Variants in NRXN1 observed in about 807,000 individuals in gnomAD.
NRXN1 encodes the protein neurexin-1.
In NRXN1, 39 loss-of-function variants were observed where a neutral mutation model predicts 150.9. That is an observed-to-expected ratio of 0.26 (90% CI 0.20 to 0.34). NRXN1 has a LOEUF of 0.34. Among genes scored for constraint, NRXN1 ranks in the 10% least tolerant of loss-of-function variants. NRXN1 has a pLI of 1.00. For synonymous variants in NRXN1, 924 were observed against 757.0 expected, an observed-to-expected ratio of 1.22 and a Z score of -3.62; for missense variants, 1,815 against 1,949.9, an observed-to-expected ratio of 0.93 and a Z score of 1.30.
intron 17 of NRXN1, among the ~76,000 whole-genome samples, chr2:50,274,847 C>T (rs2070226487): frequency 6.6e-6 from 1 of 151,978 alleles, no homozygotes; most frequent in Non-Finnish European, 1.5e-5. Flanking sequence ...TCGAAGCCTA[C>T]AATCTGTAGG....
chr2:50,677,440 T>C (rs1465833162), intron 5 of NRXN1, among the ~76,000 whole-genome samples: 1 of 152,160 alleles, frequency 6.6e-6, no homozygotes, highest in Non-Finnish European at 1.5e-5. Flanking sequence ...GAAACTCTAC[T>C]GTATTTCAAT....
chr2:50,742,479 G>A lies in NRXN1; in HGVS notation c.833-118864C>T, dbSNP rs1190006071. ...AAAAATTAGCGGGGCATGGTGGCGG[G>A]TGCCTGTAATTCCAGCTACTTGGGA... is the stretch of plus-strand genomic sequence containing the variant. On this transcript the variant is annotated intron_variant, in intron 5 of 22. Coordinates refer to ENST00000401669, the MANE Select transcript of NRXN1 (RefSeq NM_001330078.2). Among the ~76,000 whole-genome samples the A allele has an allele frequency of 2.0e-5, 3 of 151,464 alleles. No individual in the cohort carries two copies. The East Asian group carries it at 5.8e-4, about 29-fold the overall frequency.
intron 21 of NRXN1, among the ~76,000 whole-genome samples, chr2:50,048,257 A>G (rs549098121): frequency 6.6e-5 from 10 of 152,288 alleles, no homozygotes; most frequent in African/African-American, 2.2e-4. Context: ...TGAAATATGC[A>G]CTAAAATTTG....
At chr2:50,896,155 T>C (rs1008077997) in intron 5 of NRXN1, among the ~76,000 whole-genome samples, 1 of 152,180 alleles carries the variant, frequency 6.6e-6, no homozygotes, top group Non-Finnish European at 1.5e-5. Context: ...TGTTAGAGAA[T>C]TGCATATCAA....
chr2:50,903,507 T>C (rs1230645873), intron 5 of NRXN1, among the ~76,000 whole-genome samples: 1 of 152,074 alleles, frequency 6.6e-6, no homozygotes, highest in African/African-American at 2.4e-5. Context: ...GTTTTTTTGT[T>C]TTGGTTTTTG....
At chr2:50,567,096 T>G (rs906408773) in intron 8 of NRXN1, among the ~76,000 whole-genome samples, 1 of 152,208 alleles carries the variant, frequency 6.6e-6, no homozygotes, top group African/African-American at 2.4e-5. Flanking sequence ...TGCACTCTGA[T>G]TTAGTGTCAC....
chr2:50,913,958 C>A (rs1684872348), intron 5 of NRXN1, among the ~76,000 whole-genome samples: 1 of 151,790 alleles, frequency 6.6e-6, no homozygotes, highest in African/African-American at 2.4e-5. Context: ...AAAGCAGAAT[C>A]TCCTTGGTGA....
At chr2:50,814,810 A>T (rs956686000) in intron 5 of NRXN1, among the ~76,000 whole-genome samples, 1 of 152,160 alleles carries the variant, frequency 6.6e-6, no homozygotes, top group Non-Finnish European at 1.5e-5. Flanking sequence ...GAATTATTAT[A>T]TTGAAATTCT....
chr2:50,417,817 G>A (rs913222857), intron 17 of NRXN1, among the ~76,000 whole-genome samples: 1 of 151,726 alleles, frequency 6.6e-6, no homozygotes, highest in Non-Finnish European at 1.5e-5. Context: ...CCAAAAGAAC[G>A]CACATCCAAG....
intron 17 of NRXN1, among the ~76,000 whole-genome samples, chr2:50,304,402 T>C (rs1448516766): frequency 6.6e-6 from 1 of 152,184 alleles, no homozygotes; most frequent in African/African-American, 2.4e-5. Context: ...GAGCTAAAAA[T>C]ACTCCAGATA....
At chr2:49,963,886 T>C (rs1676440750) in intron 21 of NRXN1, among the ~76,000 whole-genome samples, 1 of 152,204 alleles carries the variant, frequency 6.6e-6, no homozygotes, top group African/African-American at 2.4e-5. Context: ...GAATAAAATA[T>C]GTAACAGATG....
At chr2:50,666,393 A>G (rs181274324) in intron 5 of NRXN1, among the ~76,000 whole-genome samples, 1 of 152,070 alleles carries the variant, frequency 6.6e-6, no homozygotes, top group East Asian at 1.9e-4. Context: ...CTCTTAAACA[A>G]TTACTGGGGA....
intron 17 of NRXN1, among the ~76,000 whole-genome samples, chr2:50,275,303 G>A (rs1574876329): frequency 6.6e-6 from 1 of 152,104 alleles, no homozygotes; most frequent in African/African-American, 2.4e-5. Context: ...AGAAGTGATA[G>A]CTTATAAAAA....
chr2:50,920,050 C>T (rs766512114), intron 5 of NRXN1: 3 of 357,796 alleles, frequency 8.4e-6, no homozygotes, highest in South Asian at 6.5e-5. Context: ...CATTTCTCTA[C>T]ATCTAATTAA....
At chr2:50,098,058 G>T (rs1700475638) in intron 18 of NRXN1, among the ~76,000 whole-genome samples, 1 of 151,988 alleles carries the variant, frequency 6.6e-6, no homozygotes. Flanking sequence ...TTTTAACCTG[G>T]CACTGAGATA....
chr2:50,291,951 T>C (rs891383474), intron 17 of NRXN1, among the ~76,000 whole-genome samples: 3 of 152,078 alleles, frequency 2.0e-5, no homozygotes, highest in East Asian at 1.9e-4. Context: ...GGCACTCTTT[T>C]AGTGTTGTAC....
chr2:50,252,910 A>G (rs1211824058), intron 17 of NRXN1, among the ~76,000 whole-genome samples: 2 of 152,164 alleles, frequency 1.3e-5, no homozygotes, highest in Non-Finnish European at 2.9e-5. Context: ...TTTTGGTTCC[A>G]TATGAATTTT....
intron 2 of NRXN1, among the ~76,000 whole-genome samples, chr2:51,010,430 A>AC (rs1667663862): frequency 6.6e-6 from 1 of 152,024 alleles, no homozygotes; most frequent in Non-Finnish European, 1.5e-5. Flanking sequence ...TTCACAAAAC[A>AC]CACCTCATTC....
chr2:50,192,506 C>A (rs1367729749), intron 18 of NRXN1, among the ~76,000 whole-genome samples: 2 of 151,296 alleles, frequency 1.3e-5, no homozygotes, highest in East Asian at 3.9e-4. Flanking sequence ...TAGTAATTTG[C>A]ATAGCAGGTT....
Sources: allele counts gnomAD v4.1 joint callset (sites outside exome capture counted in the v4.1 genomes callset), GRCh38; gene constraint gnomAD v4.1.1; transcripts MANE v1.5; gene names NCBI Gene and HGNC (gene_info 2026-07-23, HGNC 2026-07-21).